ATF7IP: variants seen among roughly 807,000 people sequenced by gnomAD.
ATF7IP encodes activating transcription factor 7-interacting protein 1.
A neutral mutation model predicts 106.4 loss-of-function variants in ATF7IP; 23 were observed. That is an observed-to-expected ratio of 0.22 (90% CI 0.16 to 0.31). The LOEUF (loss-of-function observed/expected upper bound fraction) is 0.31, where lower values mean the gene tolerates loss of function less well. Among genes scored for constraint, ATF7IP ranks in the 10% least tolerant of loss-of-function variants. The pLI is 1.00. For missense variants in ATF7IP, 1,334 were observed against 1,524.3 expected (o/e 0.88, Z 2.08); for synonymous variants, 542 against 539.0 (o/e 1.01, Z -0.08).
intron 2 of ATF7IP, among the ~76,000 whole-genome samples, chr12:14,429,089 A>G (rs138093666): frequency 1.1e-4 from 17 of 152,308 alleles, no homozygotes; most frequent in African/African-American, 4.1e-4. Context: ...CCATTCTTCA[A>G]GTTATATTAA....
intron 1 of ATF7IP, among the ~76,000 whole-genome samples, chr12:14,391,484 C>G (rs7980403): frequency 1 from 152,129 of 152,340 alleles, 75,960 homozygotes; most frequent in Non-Finnish European, 1. Flanking sequence ...CTTCTGCTCT[C>G]GTACTGTTAT....
chr12:14,436,713 A>G (rs994007885), intron 4 of ATF7IP, among the ~76,000 whole-genome samples: 4 of 152,008 alleles, frequency 2.6e-5, no homozygotes, highest in African/African-American at 9.7e-5. Flanking sequence ...AAATAAATAA[A>G]TAAATAAGTC....
chr12:14,455,113 G>C (rs1943374017), intron 6 of ATF7IP, among the ~76,000 whole-genome samples: 1 of 151,624 alleles, frequency 6.6e-6, no homozygotes, highest in South Asian at 2.1e-4. Flanking sequence ...GGGAGGCGGA[G>C]GCTAGAGTGA....
At chr12:14,444,133 A>C (rs1221828486) in intron 5 of ATF7IP, among the ~76,000 whole-genome samples, 1 of 152,202 alleles carries the variant, frequency 6.6e-6, no homozygotes. Context: ...AAAAGCTGTC[A>C]ACACACTCTG....
At chr12:14,407,717 T>G (rs1001020281) in intron 1 of ATF7IP, among the ~76,000 whole-genome samples, 3 of 152,146 alleles carry the variant, frequency 2.0e-5, no homozygotes, top group Admixed American at 2.0e-4. Context: ...CATGGTTAAC[T>G]TTTACTTGAC....
chr12:14,416,837 A>G (rs1941231352), intron 1 of ATF7IP: 3 of 863,582 alleles, frequency 3.5e-6, no homozygotes, highest in African/African-American at 3.6e-5. Context: ...CCAATCAGAC[A>G]GTGAATTTCA....
At chr12:14,486,267 G>C (rs1034993229) in intron 13 of ATF7IP, among the ~76,000 whole-genome samples, 1 of 152,290 alleles carries the variant, frequency 6.6e-6, no homozygotes, top group African/African-American at 2.4e-5. Context: ...ATGATGCTTT[G>C]GGTCTCCTGG....
intron 13 of ATF7IP, among the ~76,000 whole-genome samples, chr12:14,489,112 AG>A: frequency 6.6e-6 from 1 of 152,230 alleles, no homozygotes; most frequent in East Asian, 1.9e-4. Context: ...TTCATTCCTG[AG>A]GGGTCTGGGC....
intron 2 of ATF7IP, among the ~76,000 whole-genome samples, chr12:14,433,975 C>G (rs983496922): frequency 3.9e-5 from 6 of 152,094 alleles, no homozygotes; most frequent in African/African-American, 1.4e-4. Flanking sequence ...GTCACAGGCA[C>G]TATTTTAGTT....
At chr12:14,450,296 A>G (rs1943151712) in intron 6 of ATF7IP, among the ~76,000 whole-genome samples, 1 of 152,222 alleles carries the variant, frequency 6.6e-6, no homozygotes, top group South Asian at 2.1e-4. Flanking sequence ...GATGTTAACC[A>G]TGGAGTTTTC....
intron 5 of ATF7IP, among the ~76,000 whole-genome samples, chr12:14,438,817 G>A (rs1457661696): frequency 6.6e-6 from 1 of 152,146 alleles, no homozygotes; most frequent in Non-Finnish European, 1.5e-5. Context: ...ACTTCAATAT[G>A]TGAACTTTTA....
rs572636003 is a variant in ATF7IP at position 14,489,511 on chromosome 12, G to A, written c.3281-6720G>A. On this transcript the variant is annotated intron_variant, in intron 13 of 14. Coordinates refer to ENST00000261168, the MANE Select transcript of ATF7IP (RefSeq NM_018179.5). The stretch of plus-strand genomic sequence containing the variant: ...TGCAAGTGGATCCCTAGGGGTGAAG[G>A]TGAGTGGTACCACTTCCACTTCCAC... Among the ~76,000 whole-genome samples, 6 of 152,268 alleles carry A rather than the reference G, an allele frequency of 3.9e-5. No individual in the cohort carries two copies. The South Asian group carries it at 6.2e-4, about 16-fold the overall frequency.
intron 4 of ATF7IP, among the ~76,000 whole-genome samples, chr12:14,437,514 G>A (rs919355461): frequency 2.0e-5 from 3 of 152,134 alleles, no homozygotes; most frequent in Non-Finnish European, 4.4e-5. Flanking sequence ...TACTTCTTTA[G>A]AACAGTGTTA....
At chr12:14,490,563 C>T (rs927249812) in intron 13 of ATF7IP, among the ~76,000 whole-genome samples, 3 of 152,160 alleles carry the variant, frequency 2.0e-5, no homozygotes, top group African/African-American at 4.8e-5. Context: ...TCAGGGATGT[C>T]CTAGAAAGGG....
intron 1 of ATF7IP, among the ~76,000 whole-genome samples, chr12:14,401,387 G>A (rs1940185594): frequency 6.6e-6 from 1 of 152,084 alleles, no homozygotes; most frequent in South Asian, 2.1e-4. Context: ...AATAGAGATG[G>A]GATTTCACCA....
intron 1 of ATF7IP, among the ~76,000 whole-genome samples, chr12:14,386,425 C>A (rs1047963614): frequency 7.9e-5 from 12 of 152,048 alleles, no homozygotes; most frequent in African/African-American, 2.9e-4. Context: ...ATAATATACT[C>A]CTGGTTTTGT....
intron 6 of ATF7IP, among the ~76,000 whole-genome samples, chr12:14,447,277 A>G (rs1315569204): frequency 8.1e-6 from 1 of 123,934 alleles, no homozygotes; most frequent in Non-Finnish European, 1.6e-5. Context: ...TAGGTTATGC[A>G]ATTCTTTTTT....
intron 1 of ATF7IP, chr12:14,423,681 C>G (rs1198074830): frequency 5.8e-6 from 2 of 342,558 alleles, no homozygotes; most frequent in Non-Finnish European, 1.0e-5. Flanking sequence ...CCTTTTCCCC[C>G]TAATACTTTC....
chr12:14,376,336 C>T lies in ATF7IP; in HGVS notation c.-8+10509C>T, dbSNP rs111733374. Among the ~76,000 whole-genome samples the T allele has an allele frequency of 5.7e-3, 869 of 152,332 alleles. 3 individuals are homozygous for T. The highest frequency in any genetic ancestry group is 0.015 in the East Asian group (76 of 5,190). ...CATAGCCCTTCCTTGAAATCAAGCTCCAGCCTCTTAAGGCACAGATTTGGC... is the reference window on the plus strand; with the variant it reads ...CATAGCCCTTCCTTGAAATCAAGCTTCAGCCTCTTAAGGCACAGATTTGGC... On this transcript the variant is annotated intron_variant, in intron 1 of 14. Transcript: ENST00000261168.
Sources: allele counts gnomAD v4.1 joint callset (sites outside exome capture counted in the v4.1 genomes callset), GRCh38; gene constraint gnomAD v4.1.1; transcripts MANE v1.5; gene names NCBI Gene and HGNC (gene_info 2026-07-23, HGNC 2026-07-21).